The following RBPJ variants were observed in gnomAD, a reference collection of about 807,000 sequenced individuals.
The protein encoded by RBPJ is recombination signal binding protein for immunoglobulin kappa J region.
RBPJ carries 9 observed loss-of-function variants against 67.8 expected under a neutral mutation model. That is an observed-to-expected ratio of 0.13 (90% CI 0.08 to 0.23). RBPJ has a LOEUF of 0.23. Among genes scored for constraint, RBPJ ranks in the 10% least tolerant of loss-of-function variants. The pLI, the probability that RBPJ is intolerant of heterozygous loss-of-function variation, is 1.00. For synonymous variants in RBPJ, 198 were observed against 203.3 expected, an observed-to-expected ratio of 0.97 and a Z score of 0.22; for missense variants, 305 against 595.6, an observed-to-expected ratio of 0.51 and a Z score of 5.08.
At chr4:26,109,725 C>CTA in the RBPJ span, among the ~76,000 whole-genome samples, 10 of 114,858 alleles carry the variant, frequency 8.7e-5, 1 homozygote, top group African/African-American at 2.1e-4. Context: ...CTCTCTCTCT[C>CTA]TCTCTATATA....
chr4:26,338,156 C>CTTTTTTTTTTTTTTTTTTT (rs773976269), intron 1 of RBPJ, among the ~76,000 whole-genome samples: 7 of 89,006 alleles, frequency 7.9e-5, no homozygotes, highest in Non-Finnish European at 1.1e-4. Context: ...ATTTTTCTTT[C>CTTTTTTTTTTTTTTTTTTT]TTTTTTTTTT....
At chr4:26,398,070 TTG>T (rs10535928) in intron 2 of RBPJ, among the ~76,000 whole-genome samples, 74,299 of 150,680 alleles carry the variant, frequency 0.49, 19,486 homozygotes, top group Admixed American at 0.61. Flanking sequence ...ACGAGTGATA[TTG>T]TGTGTGTGTG....
chr4:26,333,930 G>A (rs1256387241), intron 1 of RBPJ, among the ~76,000 whole-genome samples: 2 of 152,094 alleles, frequency 1.3e-5, no homozygotes, highest in African/African-American at 4.8e-5. Flanking sequence ...GCCTCCCAAA[G>A]TGCTGGAATT....
At chr4:26,230,797 G>A (rs1209391938) in intron 1 of RBPJ, among the ~76,000 whole-genome samples, 1 of 151,752 alleles carries the variant, frequency 6.6e-6, no homozygotes, top group African/African-American at 2.4e-5. Flanking sequence ...CATCAAAATA[G>A]CCCACAAAAT....
At chr4:26,383,818 C>T (rs1289179076) in intron 1 of RBPJ, 1 of 152,076 alleles carries the variant, frequency 6.6e-6, no homozygotes, top group Non-Finnish European at 1.5e-5. Flanking sequence ...ATCTGTGTTC[C>T]TCAGCTACTT....
At chr4:26,143,843 A>T in the RBPJ span, among the ~76,000 whole-genome samples, 2 of 152,190 alleles carry the variant, frequency 1.3e-5, no homozygotes, top group Admixed American at 1.3e-4. Flanking sequence ...CAGGAGGATC[A>T]CTTGAGCTCT....
intron 1 of RBPJ, among the ~76,000 whole-genome samples, chr4:26,212,961 G>A (rs907365404): frequency 6.6e-6 from 1 of 152,070 alleles, no homozygotes; most frequent in Non-Finnish European, 1.5e-5. Context: ...TACCAGGAGC[G>A]GGACACATCT....
Position 26,432,456 on chromosome 4 carries a change from G to A in RBPJ, c.*1449G>A, listed in dbSNP as rs1405212162. On this transcript the variant is annotated 3_prime_UTR_variant, in exon 11 of 11. Transcript: ENST00000355476. ...TCCAGTACTGAGCATCTCCACAAAT[G>A]TCTCCTAACTCAGAAAATGTTTCTT... 6.6e-6 allele frequency: 1 copy of A among 152,052 alleles called. No homozygotes were observed. Among genetic ancestry groups the A allele is most frequent in the Non-Finnish European group, 1.5e-5 (1 of 67,998 alleles). 9.4% of individuals were successfully genotyped at this position (152,052 alleles called of 1,614,324 possible). A position where few individuals can be genotyped will look rare whatever the true frequency, so the allele number is the denominator to read the frequency against.
chr4:26,330,661 C>T (rs1254035913), intron 1 of RBPJ, among the ~76,000 whole-genome samples: 1 of 152,206 alleles, frequency 6.6e-6, no homozygotes, highest in African/African-American at 2.4e-5. Context: ...TTCCCCATCT[C>T]TCAATGTGCT....
intron 1 of RBPJ, among the ~76,000 whole-genome samples, chr4:26,354,075 C>T (rs962427098): frequency 1.3e-5 from 2 of 151,926 alleles, no homozygotes; most frequent in South Asian, 2.1e-4. Context: ...GGACTACAGG[C>T]GCGTGCCACC....
chr4:26,391,687 A>G (rs1731520056), intron 2 of RBPJ, among the ~76,000 whole-genome samples: 2 of 152,244 alleles, frequency 1.3e-5, no homozygotes. Flanking sequence ...AAGGACTCTG[A>G]AAAGTAAATA....
intron 1 of RBPJ, among the ~76,000 whole-genome samples, chr4:26,357,988 G>A (rs1967281): frequency 0.024 from 3,623 of 149,934 alleles, 126 homozygotes; most frequent in African/African-American, 0.073. Flanking sequence ...ACTTATGCTC[G>A]GGTGTTTTTT....
intron 1 of RBPJ, among the ~76,000 whole-genome samples, chr4:26,249,023 T>C (rs548978489): frequency 6.7e-4 from 102 of 152,312 alleles, no homozygotes; most frequent in Non-Finnish European, 1.1e-3. Context: ...AAAATATGAA[T>C]TGTCATCTTC....
chr4:26,287,580 AC>A (rs1721514183), intron 1 of RBPJ, among the ~76,000 whole-genome samples: 23 of 20,048 alleles, frequency 1.1e-3, no homozygotes, highest in African/African-American at 6.1e-3. Context: ...AAAGGAAAGG[AC>A]AGGAGAGGAG....
the RBPJ span, among the ~76,000 whole-genome samples, chr4:26,120,062 G>T: frequency 6.6e-6 from 1 of 152,198 alleles, no homozygotes; most frequent in African/African-American, 2.4e-5. Flanking sequence ...ATGCTAAGAA[G>T]CCACATGAGA....
chr4:26,241,910 A>G (rs1041245180), intron 1 of RBPJ, among the ~76,000 whole-genome samples: 1 of 152,200 alleles, frequency 6.6e-6, no homozygotes, highest in Non-Finnish European at 1.5e-5. Context: ...AGTACTTCAT[A>G]TGTTTCACTG....
chr4:26,318,670 C>T (rs1722746933), upstream of RBPJ, among the ~76,000 whole-genome samples: 1 of 151,804 alleles, frequency 6.6e-6, no homozygotes. Context: ...TTTTTCTACC[C>T]AGCTCACAGG....
At chr4:26,418,262 C>A (rs1734784610) in intron 4 of RBPJ, among the ~76,000 whole-genome samples, 1 of 152,144 alleles carries the variant, frequency 6.6e-6, no homozygotes, top group Admixed American at 6.5e-5. Flanking sequence ...TTCTAGAATT[C>A]CGTTAGCTAA....
At chr4:26,376,829 G>C (rs1729796090) in intron 1 of RBPJ, among the ~76,000 whole-genome samples, 2 of 152,130 alleles carry the variant, frequency 1.3e-5, no homozygotes, top group African/African-American at 4.8e-5. Flanking sequence ...TTTTAAATCA[G>C]AGCCATCCTA....
Sources: allele counts gnomAD v4.1 joint callset (sites outside exome capture counted in the v4.1 genomes callset), GRCh38; gene constraint gnomAD v4.1.1; transcripts MANE v1.5; gene names NCBI Gene and HGNC (gene_info 2026-07-23, HGNC 2026-07-21).